The following ZNF280C variants were observed in gnomAD, a reference collection of about 807,000 sequenced individuals.
ZNF280C encodes zinc finger protein 280C, also known as suppressor of hairy wing homolog 3.
A neutral mutation model predicts 53.6 loss-of-function variants in ZNF280C; 14 were observed. The observed-to-expected ratio is 0.26, with a 90% CI of 0.17 to 0.41. The LOEUF is 0.41. Ranked by LOEUF, ZNF280C falls within the 10% of genes least tolerant of loss-of-function variation. ZNF280C has a pLI of 1.00. For missense variants in ZNF280C, 416 were observed against 547.1 expected (o/e 0.76, Z 2.39); for synonymous variants, 203 against 181.1 (o/e 1.12, Z -0.97).
intron 6 of ZNF280C, 152 bp from the exon 7 acceptor site, chrX:130,236,791 T>C (rs1292622203): frequency 2.3e-5 from 8 of 350,416 alleles, no homozygotes; most frequent in Non-Finnish European, 2.9e-5. Context: ...AATAAGCATA[T>C]CATACAAATG....
chrX:130,244,418 G>A (rs1441862918), intron 3 of ZNF280C, among the ~76,000 whole-genome samples: 2 of 111,346 alleles, frequency 1.8e-5, no homozygotes, highest in African/African-American at 6.5e-5. Flanking sequence ...ATCAGGAAAA[G>A]GCACAAAGCA....
intron 12 of ZNF280C, among the ~76,000 whole-genome samples, chrX:130,225,671 A>AT (rs2032214543): frequency 9.1e-6 from 1 of 110,207 alleles, no homozygotes; most frequent in African/African-American, 3.3e-5. Flanking sequence ...AGGATAAAAA[A>AT]AAAAAAAAAA....
At chrX:130,219,603 G>A (rs1256048758) in intron 13 of ZNF280C, among the ~76,000 whole-genome samples, 6 of 109,733 alleles carry the variant, frequency 5.5e-5, no homozygotes, top group Non-Finnish European at 9.5e-5. Context: ...GCAATGCTAT[G>A]CTATCCAGGA....
rs1444299679 is a variant in ZNF280C, at chrX:130,209,747, T to C, written c.1980-32A>G. The C allele has an allele frequency of 7.3e-6, 8 of 1,099,267 alleles. No homozygotes were observed. In the African/African-American group the frequency reaches 1.5e-4, roughly 20 times the overall value. 90.6% of individuals were successfully genotyped at this position (1,099,267 alleles called of 1,213,427 possible). A position where few individuals can be genotyped will look rare whatever the true frequency, so the allele number is the denominator to read the frequency against. On this transcript the variant is annotated intron_variant, in intron 15 of 18. Transcript: ENST00000370978. ...AAACACGAGACAAACAAGATTTTATTAATTTTATTATACAACACCATATTA... is the reference window on the plus strand; with the variant it reads ...AAACACGAGACAAACAAGATTTTATCAATTTTATTATACAACACCATATTA...
At chrX:130,260,110 G>A (rs927466545) in intron 2 of ZNF280C, among the ~76,000 whole-genome samples, 17 of 110,100 alleles carry the variant, frequency 1.5e-4, no homozygotes, top group African/African-American at 4.6e-4. Context: ...GTAAAACCCC[G>A]TCTCTACTGA....
At chrX:130,253,570 C>G (rs1354907236) in intron 2 of ZNF280C, among the ~76,000 whole-genome samples, 1 of 111,565 alleles carries the variant, frequency 9.0e-6, no homozygotes, top group Non-Finnish European at 1.9e-5. Flanking sequence ...CATATATAAA[C>G]CAATGGAACA....
chrX:130,248,449 G>A (rs187676948), intron 2 of ZNF280C, among the ~76,000 whole-genome samples: 5 of 111,143 alleles, frequency 4.5e-5, no homozygotes, highest in Non-Finnish European at 9.4e-5. Flanking sequence ...AGAAGTGGTA[G>A]AGGCAGCACA....
chrX:130,256,760 A>G (rs763257016), intron 2 of ZNF280C, among the ~76,000 whole-genome samples: 1 of 107,287 alleles, frequency 9.3e-6, no homozygotes, highest in African/African-American at 3.4e-5. Context: ...TTTGCAGTGC[A>G]TGGTGGCGCA....
chrX:130,256,519 G>A (rs2124715472), intron 2 of ZNF280C, among the ~76,000 whole-genome samples: 1 of 110,685 alleles, frequency 9.0e-6, no homozygotes, highest in East Asian at 2.8e-4. Context: ...GAACCCGGGA[G>A]TGGGAAGTGC....
chrX:130,228,542 C>G (rs1176777045), intron 10 of ZNF280C, among the ~76,000 whole-genome samples: 1 of 110,163 alleles, frequency 9.1e-6, no homozygotes, highest in Non-Finnish European at 1.9e-5. Context: ...CTCGGCTTCC[C>G]AGAGTGCTGG....
intron 2 of ZNF280C, among the ~76,000 whole-genome samples, chrX:130,253,837 G>C (rs1188846506): frequency 2.7e-5 from 3 of 111,853 alleles, no homozygotes; most frequent in Non-Finnish European, 5.6e-5. Flanking sequence ...ATACCATTCT[G>C]GACATAGGAA....
At chrX:130,244,297 T>C (rs2032425517) in intron 3 of ZNF280C, among the ~76,000 whole-genome samples, 1 of 111,929 alleles carries the variant, frequency 8.9e-6, no homozygotes, top group Admixed American at 9.5e-5. Flanking sequence ...CAAAACCCTC[T>C]GGATCGGTTT....
chrX:130,226,712 T>C, intron 12 of ZNF280C, 47 bp downstream of exon 12: 2 of 1,159,567 alleles, frequency 1.7e-6, no homozygotes, highest in Non-Finnish European at 2.3e-6. Flanking sequence ...TAGATCTATA[T>C]CTTTTCACTA....
intron 2 of ZNF280C, among the ~76,000 whole-genome samples, chrX:130,259,935 A>T (rs2032612883): frequency 9.0e-6 from 1 of 110,950 alleles, no homozygotes; most frequent in African/African-American, 3.3e-5. Flanking sequence ...GCTTGCTGTG[A>T]GCCGAGATCA....
intron 2 of ZNF280C, among the ~76,000 whole-genome samples, chrX:130,252,253 C>T (rs2032521578): frequency 8.9e-6 from 1 of 112,387 alleles, no homozygotes; most frequent in Admixed American, 9.4e-5. Context: ...CATCAAAAAG[C>T]TTATCTACTA....
chrX:130,235,589 A>G (rs913533796), intron 8 of ZNF280C, among the ~76,000 whole-genome samples: 1 of 112,525 alleles, frequency 8.9e-6, no homozygotes, highest in Non-Finnish European at 1.9e-5. Flanking sequence ...AAAAATTTAA[A>G]TTGATACATA....
rs754674763 is a variant in ZNF280C at position 130,243,614 on chromosome X, A to G, written c.330T>C (p.Leu110=). ...NPVAASPRFH[L]VSKSSQSSVT... ...CAGAGCTTTGTGAAGATTTAGATAC[A>G]AGATGAAATCTAGGCGAGGCAGCCA... The change falls in exon 5 of 19, where the codon CTT becomes CTC. Residue 110 remains leucine (L), a synonymous_variant. Coordinates refer to ENST00000370978, the MANE Select transcript of ZNF280C (RefSeq NM_017666.5). 2.4e-5 allele frequency: 29 copies of G among 1,209,271 alleles called. 1 individual carries two copies. The East Asian group carries it at 8.6e-4, about 36-fold the overall frequency.
chrX:130,212,091 G>A lies in ZNF280C; in HGVS notation c.1980-2376C>T, dbSNP rs141362808. ...GTAAACTGCAAAAGGTGGACTCTCCGGAAGCTAGGATGTATAGTGGCAGAT... is the reference window on the plus strand; with the variant it reads ...GTAAACTGCAAAAGGTGGACTCTCCAGAAGCTAGGATGTATAGTGGCAGAT... On this transcript the variant is annotated intron_variant, in intron 15 of 18. Transcript: ENST00000370978. 8.4e-3 allele frequency among the ~76,000 whole-genome samples: 936 copies of A among 111,426 alleles called. 13 individuals carry two copies. The highest frequency in any genetic ancestry group is 0.029 in the African/African-American group (903 of 30,645).
rs2032087088 is a variant in ZNF280C, at chrX:130,215,273, G to A, written c.1899C>T (p.Ser633=). 2 of 1,201,524 alleles carry A rather than the reference G, an allele frequency of 1.7e-6. No homozygotes were observed. Among genetic ancestry groups the A allele is most frequent in the Admixed American group, 2.2e-5 (1 of 44,815 alleles). The change falls in exon 15 of 19, where the codon AGC becomes AGT. Residue 633 remains serine, a synonymous_variant. Transcript: ENST00000370978. ...TGCAGTGGATGTATATAGAAAAGTG[G>A]CTTGCAAAATCTTTTATTTTGGAAT... is the stretch of plus-strand genomic sequence containing the variant. ...ECHSKIKDFA[S]HFSIYIHCSF...
Sources: allele counts gnomAD v4.1 joint callset (sites outside exome capture counted in the v4.1 genomes callset), GRCh38; gene constraint gnomAD v4.1.1; transcripts MANE v1.5; gene names NCBI Gene and HGNC (gene_info 2026-07-23, HGNC 2026-07-21).